The following TENM3 variants were observed in gnomAD, a reference collection of about 807,000 sequenced individuals.
TENM3 encodes teneurin-3.
In TENM3, 63 loss-of-function variants were observed where a neutral mutation model predicts 255.1. That is an observed-to-expected ratio of 0.25 (90% CI 0.20 to 0.30). The LOEUF (loss-of-function observed/expected upper bound fraction) is 0.30, where lower values mean the gene tolerates loss of function less well. Ranked by LOEUF, TENM3 falls within the 10% of genes least tolerant of loss-of-function variation. TENM3 has a pLI of 1.00. For missense variants in TENM3, 2,929 were observed against 3,461.1 expected (o/e 0.85, Z 3.86); for synonymous variants, 1,306 against 1,322.3 (o/e 0.99, Z 0.27).
At position 182,681,937 on chromosome 4, in the gene TENM3, C is replaced by T; in HGVS notation, c.1958C>T (p.Ser653Phe). 1 of 1,613,966 alleles carries T rather than the reference C, an allele frequency of 6.2e-7. No individual in the cohort carries two copies. The highest frequency in any genetic ancestry group is 2.2e-5 in the East Asian group (1 of 44,872). Residue 653 changes from serine (S) to phenylalanine (F), a missense_variant, in exon 11 of 28, where the codon TCC becomes TTC. Physicochemically the swap from Ser to Phe is radical, Grantham distance 155. This residue lies in a region of TENM3 where 1,608 missense variants were observed against 1,884.4 expected (regional missense o/e 0.85). Transcript: ENST00000511685. ...ILKTMCPDQCSGHGTYLQESG... is the reference protein window; with the variant it reads ...ILKTMCPDQCFGHGTYLQESG... ...AAGACCATGTGTCCAGACCAGTGCT[C>T]CGGCCACGGAACGTATCTTCAAGAA...
At chr4:181,600,146 T>G in the TENM3 span, among the ~76,000 whole-genome samples, 1 of 152,236 alleles carries the variant, frequency 6.6e-6, no homozygotes, top group Admixed American at 6.5e-5. Flanking sequence ...TAAGCTACAT[T>G]GTTCCTTATT....
intron 4 of TENM3, among the ~76,000 whole-genome samples, chr4:182,617,654 C>T (rs546789788): frequency 2.6e-5 from 4 of 152,286 alleles, no homozygotes; most frequent in South Asian, 4.1e-4. Context: ...CAAACATAGC[C>T]AGTCTTTCTT....
At chr4:181,608,387 T>C in the TENM3 span, among the ~76,000 whole-genome samples, 1 of 152,172 alleles carries the variant, frequency 6.6e-6, no homozygotes. Flanking sequence ...TGCAGTGTAT[T>C]GGAGGGGGTC....
chr4:182,651,981 T>G (rs1753349280), intron 5 of TENM3, among the ~76,000 whole-genome samples: 1 of 152,226 alleles, frequency 6.6e-6, no homozygotes. Flanking sequence ...AGCATTATAG[T>G]AAAGCAGTCA....
chr4:182,493,806 A>C (rs1447597628), intron 3 of TENM3, among the ~76,000 whole-genome samples: 5 of 152,198 alleles, frequency 3.3e-5, no homozygotes, highest in Non-Finnish European at 7.4e-5. Context: ...TGGAGTTTAA[A>C]ATAAAGTTAA....
At chr4:181,911,487 G>A in the TENM3 span, among the ~76,000 whole-genome samples, 12 of 152,172 alleles carry the variant, frequency 7.9e-5, no homozygotes, top group Admixed American at 2.6e-4. Flanking sequence ...TGATGAAAAT[G>A]ATGACAGATA....
the TENM3 span, among the ~76,000 whole-genome samples, chr4:181,551,078 C>G: frequency 1.3e-5 from 2 of 152,080 alleles, no homozygotes; most frequent in Non-Finnish European, 2.9e-5. Flanking sequence ...TGAACAGGAG[C>G]AAGGAATTTT....
chr4:181,456,520 G>A, the TENM3 span, among the ~76,000 whole-genome samples: 2 of 151,856 alleles, frequency 1.3e-5, no homozygotes, highest in Non-Finnish European at 2.9e-5. Flanking sequence ...GATAAAGCAG[G>A]AGGCAGGACT....
intron 3 of TENM3, among the ~76,000 whole-genome samples, chr4:182,490,212 G>C (rs1353971334): frequency 6.6e-6 from 1 of 152,190 alleles, no homozygotes; most frequent in African/African-American, 2.4e-5. Flanking sequence ...TGTTACGTGA[G>C]ATACTTGGCC....
intron 3 of TENM3, among the ~76,000 whole-genome samples, chr4:182,580,410 A>T (rs927140066): frequency 1.3e-5 from 2 of 152,054 alleles, no homozygotes; most frequent in Non-Finnish European, 2.9e-5. Flanking sequence ...ATACCTCTTC[A>T]TCGCTCTATT....
chr4:182,007,134 T>G, the TENM3 span, among the ~76,000 whole-genome samples: 9 of 152,048 alleles, frequency 5.9e-5, no homozygotes, highest in East Asian at 1.7e-3. Context: ...TACTGAGGAG[T>G]GTTTACTTTC....
chr4:182,381,888 C>T (rs1049110586), intron 3 of TENM3, among the ~76,000 whole-genome samples: 2 of 152,132 alleles, frequency 1.3e-5, no homozygotes, highest in African/African-American at 4.8e-5. Context: ...TAATGAAGAG[C>T]TGATGTTATT....
At chr4:182,791,047 T>G (rs904432619) in intron 25 of TENM3, among the ~76,000 whole-genome samples, 2 of 152,188 alleles carry the variant, frequency 1.3e-5, no homozygotes, top group Non-Finnish European at 2.9e-5. Context: ...AACTTACTCA[T>G]AGCAAAACAA....
At chr4:182,658,298 A>G (rs191434573) in intron 6 of TENM3, among the ~76,000 whole-genome samples, 16 of 152,274 alleles carry the variant, frequency 1.1e-4, no homozygotes, top group African/African-American at 3.9e-4. Context: ...GTCTCTGTTT[A>G]GTTGACTCAC....
chr4:181,635,395 T>TTCCA, the TENM3 span, among the ~76,000 whole-genome samples: 2 of 152,216 alleles, frequency 1.3e-5, no homozygotes, highest in African/African-American at 2.4e-5. Flanking sequence ...AGTAGTCAGT[T>TTCCA]TCCATCGAAT....
chr4:181,948,794 A>C, the TENM3 span, among the ~76,000 whole-genome samples: 1 of 152,086 alleles, frequency 6.6e-6, no homozygotes, highest in Non-Finnish European at 1.5e-5. Context: ...CACTGTCTTC[A>C]CCCCAGTGCA....
At chr4:181,799,007 C>G in the TENM3 span, among the ~76,000 whole-genome samples, 1 of 152,268 alleles carries the variant, frequency 6.6e-6, no homozygotes, top group Non-Finnish European at 1.5e-5. Flanking sequence ...CTCCTTAAAG[C>G]AAAATGTAGA....
intron 3 of TENM3, among the ~76,000 whole-genome samples, chr4:182,398,885 TA>T (rs1301827589): frequency 6.6e-6 from 1 of 152,144 alleles, no homozygotes; most frequent in Non-Finnish European, 1.5e-5. Context: ...ATTTGGGAGT[TA>T]AAAAATGGAT....
At chr4:182,766,380 G>GA (rs1218448401) in intron 22 of TENM3, among the ~76,000 whole-genome samples, 98 of 146,218 alleles carry the variant, frequency 6.7e-4, no homozygotes, top group African/African-American at 1.9e-3. Flanking sequence ...ATTTAAAAAA[G>GA]AAAAAAAAAA....
Sources: gnomAD v4.1 joint callset for allele counts (sites outside exome capture counted in the v4.1 genomes callset) on GRCh38, gnomAD v4.1.1 for gene constraint, gnomAD v4.1.1 regional missense constraint, MANE v1.5 for transcripts, NCBI Gene and HGNC (gene_info 2026-07-23, HGNC 2026-07-21) for gene names.